The following ZNF91 variants were observed in gnomAD, a reference collection of about 807,000 sequenced individuals.
ZNF91 encodes zinc finger protein 91 (HPF7, HTF10).
In ZNF91, 7 loss-of-function variants were observed where a neutral mutation model predicts 12.6. That is an observed-to-expected ratio of 0.55 (90% CI 0.31 to 1.04). The LOEUF (loss-of-function observed/expected upper bound fraction) is 1.04, where lower values mean the gene tolerates loss of function less well. Ranked by LOEUF, ZNF91 falls within the 50% of genes least tolerant of loss-of-function variation. The pLI is 0.05. For missense variants in ZNF91, 1,217 were observed against 1,385.4 expected (o/e 0.88, Z 1.93); for synonymous variants, 453 against 462.6 (o/e 0.98, Z 0.27).
upstream of ZNF91, among the ~76,000 whole-genome samples, chr19:23,314,034 C>A (rs1053077184): frequency 2.0e-5 from 3 of 152,108 alleles, no homozygotes; most frequent in African/African-American, 7.2e-5. Flanking sequence ...ACAATACAGG[C>A]AAATACCCTA....
At chr19:23,324,279 ATCT>A (rs1352669102) in intron 1 of ZNF91, 2 of 127,434 alleles carry the variant, frequency 1.6e-5, no homozygotes, top group African/African-American at 6.1e-5. Flanking sequence ...TCTTCTTACT[ATCT>A]TCTTCTCATT....
At chr19:23,370,180 C>A (rs897355806) in intron 3 of ZNF91, among the ~76,000 whole-genome samples, 3 of 151,420 alleles carry the variant, frequency 2.0e-5, no homozygotes, top group Non-Finnish European at 4.4e-5. Context: ...CATCATAAGA[C>A]CCTGAAGACA....
rs776863763 is a variant in ZNF91, at chr19:23,361,916, A to G, written c.1063T>C (p.Cys355Arg). 3.1e-6 allele frequency: 5 copies of G among 1,613,652 alleles called. No individual in the cohort carries two copies. The South Asian group carries it at 5.5e-5, about 18-fold the overall frequency. Reference protein sequence around the residue: ...TGEKPYKCKECGKAFSNSSTL... With the variant: ...TGEKPYKCKERGKAFSNSSTL... ...GAGGAATTGCTAAAAGCTTTGCCAC[A>G]TTCTTTACATTTGTAGGGTTTCTCT... Residue 355 changes from cysteine to arginine, a missense_variant, in exon 4 of 4, where the codon TGT becomes CGT. Transcript: ENST00000300619.
At chr19:23,381,803 C>T (rs1439287204) in intron 1 of ZNF91, among the ~76,000 whole-genome samples, 6 of 151,998 alleles carry the variant, frequency 3.9e-5, no homozygotes, top group Non-Finnish European at 1.5e-5. Flanking sequence ...ATACTTTAGC[C>T]TGCAAATAAT....
rs200354741 is a variant in ZNF91 at position 23,374,708 on chromosome 19, A to C, written c.87T>G (p.Cys29Trp). ...AIEFSPEEWQ[C>W]LDTAQQNLYR... ...ATAAATTCTGCTGTGCAGTGTCCAGACATTGCCACTCCTCCGGAGAGAATT... is the reference window on the plus strand; with the variant it reads ...ATAAATTCTGCTGTGCAGTGTCCAGCCATTGCCACTCCTCCGGAGAGAATT... The change falls in exon 2 of 4, where the codon TGT (cysteine) becomes TGG (tryptophan). Residue 29 changes from cysteine to tryptophan, a missense_variant. Transcript: ENST00000300619. 13 of 1,613,352 alleles carry C rather than the reference A, an allele frequency of 8.1e-6. No homozygotes were observed. In the African/African-American group the frequency reaches 1.3e-4, roughly 17 times the overall value.
Position 23,359,829 on chromosome 19 carries a change from G to C in ZNF91, c.3150C>G (p.Tyr1050Ter). The C allele has an allele frequency of 6.2e-7, 1 of 1,613,990 alleles. No homozygotes were observed. The highest frequency in any genetic ancestry group is 8.5e-7 in the Non-Finnish European group (1 of 1,179,984). Residue 1050 changes from tyrosine (Y) to a stop codon, truncating the protein, a stop_gained, in exon 4 of 4, where the codon TAC (tyrosine) becomes TAG (stop). Transcript: ENST00000300619. LOFTEE classifies it low-confidence loss of function (END_TRUNC). ...ATGCTTTGCCACATTCTTCACACTTGTAAGGTTTCTCTCCAGTATGAATTA... is the reference window on the plus strand; with the variant it reads ...ATGCTTTGCCACATTCTTCACACTTCTAAGGTTTCTCTCCAGTATGAATTA... ...HKIIHTGEKP[Y>*]KCEECGKAFI...
rs1485609216 is a variant in ZNF91, at chr19:23,360,058, G to C, written c.2921C>G (p.Ala974Gly). 12 of 1,613,378 alleles carry C rather than the reference G, an allele frequency of 7.4e-6. No individual in the cohort carries two copies. The highest frequency in any genetic ancestry group is 1.0e-5 in the Non-Finnish European group (12 of 1,180,006). ...AGTAAGAGTTGAAGATTTCCTAAAA[G>C]CTTTGCCACATTCTTCACATTTGTA... ...KPYKCEECGK[A>G]FRKSSTLTEH... The change falls in exon 4 of 4, where the codon GCT (alanine) becomes GGT (glycine). Residue 974 changes from alanine (A) to glycine (G), a missense_variant. By Grantham distance (60) the Ala-to-Gly change is moderately conservative. Coordinates refer to ENST00000300619, the MANE Select transcript of ZNF91 (RefSeq NM_003430.4).
intron 1 of ZNF91, among the ~76,000 whole-genome samples, chr19:23,378,686 C>T (rs914787605): frequency 6.6e-6 from 1 of 152,096 alleles, no homozygotes; most frequent in Non-Finnish European, 1.5e-5. Flanking sequence ...GTAGACATCA[C>T]AAGTCACAAA....
At chr19:23,311,920 T>C (rs1344509616), upstream of ZNF91, among the ~76,000 whole-genome samples, 1 of 137,458 alleles carries the variant, frequency 7.3e-6, no homozygotes, top group Non-Finnish European at 1.6e-5. Flanking sequence ...AAAAAAAAAG[T>C]ACTGTGACAC....
At chr19:23,343,315 T>C (rs1968160763) in intron 3 of ZNF91, among the ~76,000 whole-genome samples, 1 of 152,192 alleles carries the variant, frequency 6.6e-6, no homozygotes, top group African/African-American at 2.4e-5. Flanking sequence ...GAGACCTGAG[T>C]TACTGCATTG....
chr19:23,337,770 G>C (rs1478388064), downstream of ZNF91: 1 of 151,990 alleles, frequency 6.6e-6, no homozygotes, highest in African/African-American at 2.4e-5. Context: ...TAAATTTAGA[G>C]TCCAAATGGG....
chr19:23,354,583 C>T (rs1177908743), downstream of ZNF91, among the ~76,000 whole-genome samples: 1 of 152,142 alleles, frequency 6.6e-6, no homozygotes. Context: ...CCCACTCTCA[C>T]TACTCCTCTT....
chr19:23,310,466 T>C (rs185173860), intron 1 of ZNF91: 34 of 152,322 alleles, frequency 2.2e-4, no homozygotes, highest in African/African-American at 7.5e-4. Context: ...AAATTGAGGC[T>C]CTCATGAGTG....
rs769944057 is a variant in ZNF91, at chr19:23,360,865, T to C, written c.2114A>G (p.Lys705Arg). 32 of 1,613,750 alleles carry C rather than the reference T, an allele frequency of 2.0e-5. No individual in the cohort carries two copies. Among genetic ancestry groups the C allele is most frequent in the Non-Finnish European group, 2.6e-5 (31 of 1,179,882 alleles). ...FKRLSTLTKH[K>R]IIHAGEKLYK... ...GAGTTTCTCTCCAGCATGTATTATT[T>C]TATGTTTAGTAAGGGTTGAGAGTCG... Residue 705 changes from lysine to arginine, a missense_variant, in exon 4 of 4, where the codon AAA becomes AGA. By Grantham distance (26) the Lys-to-Arg change is conservative (BLOSUM62 2). Transcript: ENST00000300619.
chr19:23,341,380 T>C (rs769970005), intron 3 of ZNF91, among the ~76,000 whole-genome samples: 5 of 152,206 alleles, frequency 3.3e-5, no homozygotes, highest in South Asian at 2.1e-4. Flanking sequence ...AATCTCATCA[T>C]TGGGTATCTA....
chr19:23,313,380 G>T (rs1967501446), upstream of ZNF91, among the ~76,000 whole-genome samples: 1 of 152,324 alleles, frequency 6.6e-6, no homozygotes, highest in Admixed American at 6.5e-5. Context: ...GCTCACAGGG[G>T]GGATTGTGAC....
In ZNF91 at chr19:23,359,845, G is replaced by A; in HGVS notation, c.3134C>T (p.Thr1045Ile). 6.2e-7 allele frequency: 1 copy of A among 1,613,632 alleles called. No homozygotes were observed. The highest frequency in any genetic ancestry group is 1.1e-5 in the South Asian group (1 of 91,044). ...TTCACACTTGTAAGGTTTCTCTCCA[G>A]TATGAATTATCTTATGTGTAGTAAG... ...SKLTTHKIIH[T>I]GEKPYKCEEC... The change falls in exon 4 of 4, where the codon ACT becomes ATT. Residue 1045 changes from threonine to isoleucine, a missense_variant. Transcript: ENST00000300619.
intron 1 of ZNF91, among the ~76,000 whole-genome samples, chr19:23,382,127 T>C (rs1246977137): frequency 6.6e-6 from 1 of 151,544 alleles, no homozygotes; most frequent in Non-Finnish European, 1.5e-5. Flanking sequence ...AAAAGGGAGA[T>C]AAAATATATA....
At chr19:23,318,891 T>C (rs974867611) in intron 1 of ZNF91, among the ~76,000 whole-genome samples, 19 of 152,236 alleles carry the variant, frequency 1.2e-4, no homozygotes, top group Non-Finnish European at 2.4e-4. Context: ...GATGGTGACA[T>C]ATTCCTTCAC....
Sources: gnomAD v4.1 joint callset for allele counts (sites outside exome capture counted in the v4.1 genomes callset) on GRCh38, gnomAD v4.1.1 for gene constraint, MANE v1.5 for transcripts, NCBI Gene and HGNC (gene_info 2026-07-23, HGNC 2026-07-21) for gene names.